GALNT2: variants seen among roughly 807,000 people sequenced by gnomAD.
GALNT2 encodes polypeptide N-acetylgalactosaminyltransferase 2.
In GALNT2, 31 loss-of-function variants were observed where a neutral mutation model predicts 81.4. The observed-to-expected ratio is 0.38, with a 90% confidence interval of 0.29 to 0.51. The LOEUF is 0.51. Ranked by LOEUF, GALNT2 falls within the 20% of genes least tolerant of loss-of-function variation. GALNT2 has a pLI of 0.87. For synonymous variants in GALNT2, 303 were observed against 287.4 expected (o/e 1.05, Z -0.55); for missense variants, 629 against 765.7 (o/e 0.82, Z 2.11).
At chr1:230,114,715 A>G (rs755330374) in intron 1 of GALNT2, among the ~76,000 whole-genome samples, 1 of 152,334 alleles carries the variant, frequency 6.6e-6, no homozygotes, top group Non-Finnish European at 1.5e-5. Context: ...AGAACGCTGA[A>G]TTGAGCTCTT....
chr1:230,111,729 C>G (rs1442330442), intron 1 of GALNT2, among the ~76,000 whole-genome samples: 1 of 152,162 alleles, frequency 6.6e-6, no homozygotes, highest in Non-Finnish European at 1.5e-5. Flanking sequence ...AAAATGAACA[C>G]TGGTTCACTC....
intron 3 of GALNT2, among the ~76,000 whole-genome samples, chr1:230,231,308 T>C (rs774979862): frequency 8.5e-5 from 13 of 152,200 alleles, no homozygotes; most frequent in Non-Finnish European, 1.5e-4. Context: ...GTCAGGGCCA[T>C]TTTCACAGAT....
chr1:230,066,801 C>CT (rs569511608), upstream of GALNT2, among the ~76,000 whole-genome samples: 2 of 152,232 alleles, frequency 1.3e-5, no homozygotes, highest in African/African-American at 4.8e-5. Context: ...GAGCAAGGCT[C>CT]TTTGCCCACG....
At position 230,105,410 on chromosome 1, in the gene GALNT2, T is replaced by C. The variant is rs183214699; in HGVS notation, c.126+38004T>C. Among the ~76,000 whole-genome samples, 3,360 of 152,258 alleles carry C rather than the reference T, an allele frequency of 0.022. 324 individuals are homozygous for C. In the East Asian group the frequency reaches 0.32, roughly 15 times the overall value. On this transcript the variant is annotated intron_variant, in intron 1 of 15. Transcript: ENST00000366672. The stretch of plus-strand genomic sequence containing the variant: ...TTCTACAATGCACATTTCCCCCGCC[T>C]CTCATGTTTTAACATGTCTGAAATC...
chr1:230,265,489 C>G (rs1440810100), intron 14 of GALNT2, 122 bp downstream of exon 14: 8 of 1,364,876 alleles, frequency 5.9e-6, no homozygotes, highest in Non-Finnish European at 8.1e-6. Flanking sequence ...TATGAGGAAG[C>G]ACCTGGCTCC....
chr1:230,260,834 C>G (rs1288587567), intron 11 of GALNT2, among the ~76,000 whole-genome samples: 1 of 152,136 alleles, frequency 6.6e-6, no homozygotes, highest in African/African-American at 2.4e-5. Context: ...ACCAGTTGTG[C>G]CATAACACTC....
chr1:230,169,384 A>G (rs1007407192), intron 1 of GALNT2, among the ~76,000 whole-genome samples: 2 of 152,230 alleles, frequency 1.3e-5, no homozygotes, highest in African/African-American at 4.8e-5. Context: ...GAGTTGCCTA[A>G]GGTCATAGAG....
intron 14 of GALNT2, among the ~76,000 whole-genome samples, chr1:230,267,225 T>C (rs1666060628): frequency 6.6e-6 from 1 of 152,240 alleles, no homozygotes; most frequent in Non-Finnish European, 1.5e-5. Flanking sequence ...TTGATAAATA[T>C]TGTTGGAGGG....
chr1:230,184,156 A>G (rs1663245107), intron 2 of GALNT2, among the ~76,000 whole-genome samples: 1 of 151,434 alleles, frequency 6.6e-6, no homozygotes, highest in African/African-American at 2.4e-5. Flanking sequence ...GTGTTTGAGG[A>G]AGTCTCTATC....
At chr1:230,064,956 A>G (rs1310310409), upstream of GALNT2, among the ~76,000 whole-genome samples, 1 of 152,260 alleles carries the variant, frequency 6.6e-6, no homozygotes, top group Non-Finnish European at 1.5e-5. Flanking sequence ...TCGTTTTACT[A>G]AAATATATTT....
chr1:230,065,359 C>T (rs1659146359), upstream of GALNT2, among the ~76,000 whole-genome samples: 1 of 152,038 alleles, frequency 6.6e-6, no homozygotes, highest in Non-Finnish European at 1.5e-5. Context: ...TTGCTCAACC[C>T]TTGTTGCATT....
chr1:230,152,345 C>T (rs1024107986), intron 1 of GALNT2, among the ~76,000 whole-genome samples: 4 of 152,126 alleles, frequency 2.6e-5, no homozygotes, highest in East Asian at 1.9e-4. Flanking sequence ...GCTAGAATCT[C>T]GAACCTGACT....
chr1:230,269,770 G>A (rs1666122826), intron 14 of GALNT2, among the ~76,000 whole-genome samples: 1 of 151,936 alleles, frequency 6.6e-6, no homozygotes, highest in South Asian at 2.1e-4. Context: ...GATGACCTGT[G>A]CCTGTAGTCC....
At chr1:230,210,671 C>T (rs1022198155) in intron 3 of GALNT2, among the ~76,000 whole-genome samples, 1 of 152,192 alleles carries the variant, frequency 6.6e-6, no homozygotes, top group Non-Finnish European at 1.5e-5. Flanking sequence ...TACTAAAGAA[C>T]TCTATTTTGA....
chr1:230,150,421 G>C (rs777898953), intron 1 of GALNT2, among the ~76,000 whole-genome samples: 7 of 152,212 alleles, frequency 4.6e-5, no homozygotes, highest in Admixed American at 1.3e-4. Flanking sequence ...CCTTTGAAAC[G>C]GTTTCCAACA....
chr1:230,082,297 C>G (rs527364417), intron 1 of GALNT2, among the ~76,000 whole-genome samples: 59 of 152,322 alleles, frequency 3.9e-4, no homozygotes, highest in African/African-American at 1.3e-3. Flanking sequence ...GTTCTCTAAT[C>G]GGTCAAAGTG....
chr1:230,217,464 A>G (rs567257388), intron 3 of GALNT2, among the ~76,000 whole-genome samples: 1 of 152,318 alleles, frequency 6.6e-6, no homozygotes, highest in Non-Finnish European at 1.5e-5. Context: ...GAAGAGTAGA[A>G]AGAGGTGAGG....
rs192721640 is a variant in GALNT2, at chr1:230,130,896, C to T, written c.127-47322C>T. Among the ~76,000 whole-genome samples, 50 of 152,206 alleles carry T rather than the reference C, an allele frequency of 3.3e-4. No individual in the cohort carries two copies. In the East Asian group the frequency reaches 7.7e-3, roughly 24 times the overall value. On this transcript the variant is annotated intron_variant, in intron 1 of 15. Coordinates refer to ENST00000366672, the MANE Select transcript of GALNT2 (RefSeq NM_004481.5). ...ATGGGAAAGCACTGGGAGGGCTGGC[C>T]CACACCCGTGACTGCCCTGCGTCTC...
chr1:230,273,570 C>A (rs1227355169), intron 14 of GALNT2, among the ~76,000 whole-genome samples: 1 of 152,216 alleles, frequency 6.6e-6, no homozygotes, highest in Admixed American at 6.5e-5. Context: ...TGTGGCCCTG[C>A]CTGGAACAGG....
Sources: gnomAD v4.1 joint callset for allele counts (sites outside exome capture counted in the v4.1 genomes callset) on GRCh38, gnomAD v4.1.1 for gene constraint, MANE v1.5 for transcripts, NCBI Gene and HGNC (gene_info 2026-07-23, HGNC 2026-07-21) for gene names.